LANCL2: variants seen among roughly 807,000 people sequenced by gnomAD.
LANCL2 encodes the protein lanC-like protein 2.
LANCL2 carries 33 observed loss-of-function variants against 56.9 expected under a neutral mutation model. The ratio of observed to expected loss-of-function variants is 0.58; its 90% confidence interval spans 0.44 to 0.78. The LOEUF (loss-of-function observed/expected upper bound fraction) is 0.78. Among genes scored for constraint, LANCL2 ranks in the 30% least tolerant of loss-of-function variants. The pLI is 0.00. For synonymous variants in LANCL2, 233 were observed against 228.2 expected (o/e 1.02, Z -0.19); for missense variants, 562 against 580.2 (o/e 0.97, Z 0.32).
At chr7:55,412,614 G>C (rs972838041) in intron 6 of LANCL2, among the ~76,000 whole-genome samples, 4 of 152,098 alleles carry the variant, frequency 2.6e-5, no homozygotes, top group African/African-American at 4.8e-5. Flanking sequence ...ATTCTCGTAG[G>C]CTTTAAATAT....
At chr7:55,412,685 A>C (rs987553945) in intron 6 of LANCL2, among the ~76,000 whole-genome samples, 8 of 152,236 alleles carry the variant, frequency 5.3e-5, no homozygotes, top group Non-Finnish European at 1.2e-4. Flanking sequence ...TTATCATTTA[A>C]GATTTATCAT....
At chr7:55,409,434 C>T (rs1790448601) in intron 5 of LANCL2, among the ~76,000 whole-genome samples, 1 of 152,134 alleles carries the variant, frequency 6.6e-6, no homozygotes, top group Non-Finnish European at 1.5e-5. Flanking sequence ...TTGCATTCTG[C>T]CCAGAAAGTT....
Position 55,412,085 on chromosome 7 carries a change from A to G in LANCL2, c.1004A>G (p.Tyr335Cys). The stretch of plus-strand genomic sequence containing the variant: ...GTCATCCACATGCTCATGCAGGCGT[A>G]CAAGGTCAGTGCTTCCGCCGTCACG... ...PGVIHMLMQA[Y>C]KVFKEEKYLK... Residue 335 changes from tyrosine (Y) to cysteine (C), a missense_variant, in exon 6 of 9, where the codon TAC (tyrosine) becomes TGC (cysteine). Transcript: ENST00000254770. 1 of 1,612,844 alleles carries G rather than the reference A, an allele frequency of 6.2e-7. No individual in the cohort carries two copies. Among genetic ancestry groups the G allele is most frequent in the Non-Finnish European group, 8.5e-7 (1 of 1,179,038 alleles).
At chr7:55,366,368 G>A in intron 1 of LANCL2, 139 bp downstream of exon 1, 1 of 688,868 alleles carries the variant, frequency 1.5e-6, no homozygotes. Context: ...ACCTGTCTCC[G>A]GGCCTTCCCG....
chr7:55,380,098 C>A (rs191062733), intron 1 of LANCL2, among the ~76,000 whole-genome samples: 4 of 152,146 alleles, frequency 2.6e-5, no homozygotes, highest in Middle Eastern at 3.2e-3. Context: ...TGAAAAGATA[C>A]AATTTTGAAA....
chr7:55,369,503 T>C (rs1180270110), intron 1 of LANCL2, among the ~76,000 whole-genome samples: 1 of 152,218 alleles, frequency 6.6e-6, no homozygotes, highest in East Asian at 1.9e-4. Flanking sequence ...TTTACAATAT[T>C]GGGCCAATAT....
At chr7:55,393,468 T>G (rs1583750713) in intron 2 of LANCL2, among the ~76,000 whole-genome samples, 2 of 152,058 alleles carry the variant, frequency 1.3e-5, no homozygotes, top group South Asian at 4.2e-4. Flanking sequence ...GAGGCGGAGG[T>G]TGTAGTGAGC....
intron 6 of LANCL2, among the ~76,000 whole-genome samples, chr7:55,423,381 G>C (rs1393104647): frequency 2.0e-5 from 3 of 152,166 alleles, no homozygotes; most frequent in Non-Finnish European, 4.4e-5. Flanking sequence ...ACTCACCCAG[G>C]CTCCACCAGC....
intron 7 of LANCL2, chr7:55,428,136 A>T: frequency 1.8e-6 from 1 of 568,192 alleles, no homozygotes; most frequent in South Asian, 2.3e-5. Flanking sequence ...TTCGGTTTTC[A>T]CCTCGGACTT....
chr7:55,428,003 GA>G (rs1284321397), intron 7 of LANCL2: 1 of 181,746 alleles, frequency 5.5e-6, no homozygotes, highest in African/African-American at 2.3e-5. Flanking sequence ...AGCTGCTGCT[GA>G]GAGCCATTTT....
At chr7:55,400,744 T>C (rs1208812378) in intron 4 of LANCL2, among the ~76,000 whole-genome samples, 1 of 152,202 alleles carries the variant, frequency 6.6e-6, no homozygotes, top group Admixed American at 6.5e-5. Context: ...CTAACTGAAA[T>C]CCTTCATGCC....
At chr7:55,393,005 C>T (rs1465539786) in intron 2 of LANCL2, among the ~76,000 whole-genome samples, 2 of 152,024 alleles carry the variant, frequency 1.3e-5, no homozygotes, top group Non-Finnish European at 2.9e-5. Context: ...ATGATAACAA[C>T]CAATAATACA....
At chr7:55,382,287 G>A (rs1790077472) in intron 1 of LANCL2, among the ~76,000 whole-genome samples, 1 of 152,026 alleles carries the variant, frequency 6.6e-6, no homozygotes, top group Admixed American at 6.6e-5. Flanking sequence ...TCTCAGTAGG[G>A]AAGTAAAAAC....
chr7:55,402,457 G>A (rs1428922972), intron 5 of LANCL2, among the ~76,000 whole-genome samples: 26 of 138,274 alleles, frequency 1.9e-4, no homozygotes, highest in African/African-American at 3.5e-4. Context: ...CGGACGGGGC[G>A]GCTGGCCGGG....
In LANCL2 at chr7:55,366,185, G is replaced by C; in HGVS notation, c.160G>C (p.Ala54Pro). Residue 54 changes from alanine to proline, a missense_variant, in exon 1 of 9, where the codon GCG becomes CCG. This residue lies in a region of LANCL2 where 184 missense variants were observed against 111.8 expected (regional missense o/e 1.65). Transcript: ENST00000254770. Reference protein sequence around the residue: ...AEETGCVRPPATTDEPGLPFH... With the variant: ...AEETGCVRPPPTTDEPGLPFH... Reference sequence around the variant, plus strand: ...AGAGACAGGCTGTGTTCGTCCCCCGGCGACCACGGATGAGCCCGGCCTCCC... The same window carrying C: ...AGAGACAGGCTGTGTTCGTCCCCCGCCGACCACGGATGAGCCCGGCCTCCC... 1 of 1,556,826 alleles carries C rather than the reference G, an allele frequency of 6.4e-7. No homozygotes were observed. The highest frequency in any genetic ancestry group is 8.7e-7 in the Non-Finnish European group (1 of 1,149,706).
intron 6 of LANCL2, among the ~76,000 whole-genome samples, chr7:55,417,232 G>C (rs543353927): frequency 1.6e-4 from 24 of 152,056 alleles, no homozygotes; most frequent in African/African-American, 5.3e-4. Flanking sequence ...GCCCGCCTCG[G>C]CCTCCCAAAG....
intron 8 of LANCL2, among the ~76,000 whole-genome samples, chr7:55,430,173 A>G (rs1790712677): frequency 6.6e-6 from 1 of 152,172 alleles, no homozygotes; most frequent in Non-Finnish European, 1.5e-5. Flanking sequence ...TGGTTTTCTA[A>G]TTTTTTAAAC....
At chr7:55,414,171 G>C (rs896583333) in intron 6 of LANCL2, among the ~76,000 whole-genome samples, 15 of 152,282 alleles carry the variant, frequency 9.9e-5, no homozygotes, top group African/African-American at 2.6e-4. Context: ...AATAAGTGTA[G>C]ACTAAAGCTC....
At chr7:55,398,738 C>T in intron 3 of LANCL2, 108 bp downstream of exon 3, 1 of 817,420 alleles carries the variant, frequency 1.2e-6, no homozygotes, top group South Asian at 1.6e-5. Flanking sequence ...TTGTTGTAAA[C>T]AGATCACTCC....
Sources: gnomAD v4.1 joint callset for allele counts (sites outside exome capture counted in the v4.1 genomes callset) on GRCh38, gnomAD v4.1.1 for gene constraint, gnomAD v4.1.1 regional missense constraint, MANE v1.5 for transcripts, NCBI Gene and HGNC (gene_info 2026-07-23, HGNC 2026-07-21) for gene names.